SGCD: variants seen among roughly 807,000 people sequenced by gnomAD.
SGCD encodes sarcoglycan delta.
Under a neutral mutation model 36.6 loss-of-function variants are expected in SGCD, and 18 were observed. The observed-to-expected ratio is 0.49, with a 90% confidence interval of 0.34 to 0.73. The LOEUF (loss-of-function observed/expected upper bound fraction) is 0.73, where lower values mean the gene tolerates loss of function less well. Among genes scored for constraint, SGCD ranks in the 30% least tolerant of loss-of-function variants. SGCD has a pLI of 0.01. For missense variants in SGCD, 387 were observed against 346.7 expected (o/e 1.12, Z -0.92); for synonymous variants, 133 against 130.6 (o/e 1.02, Z -0.12).
intron 3 of SGCD, among the ~76,000 whole-genome samples, chr5:156,281,158 T>C (rs183090393): frequency 6.6e-6 from 1 of 152,292 alleles, no homozygotes; most frequent in Admixed American, 6.5e-5. Flanking sequence ...GAAAGTGTTA[T>C]GTTTAAAAAT....
intron 6 of SGCD, among the ~76,000 whole-genome samples, chr5:156,643,324 G>T (rs1196031178): frequency 6.6e-6 from 1 of 152,116 alleles, no homozygotes; most frequent in East Asian, 1.9e-4. Context: ...GAGCCACCTC[G>T]CCCAGCCAAT....
At chr5:155,874,369 T>G (rs1341133204) in intron 1 of SGCD, among the ~76,000 whole-genome samples, 3 of 152,246 alleles carry the variant, frequency 2.0e-5, no homozygotes, top group Non-Finnish European at 4.4e-5. Flanking sequence ...ATCTTAGTAA[T>G]TTTGACTTTG....
At chr5:156,075,589 C>T (rs1400275319) in intron 1 of SGCD, among the ~76,000 whole-genome samples, 1 of 152,070 alleles carries the variant, frequency 6.6e-6, no homozygotes, top group Non-Finnish European at 1.5e-5. Flanking sequence ...TGAACAAATT[C>T]TATTGATATT....
intron 3 of SGCD, among the ~76,000 whole-genome samples, chr5:156,475,524 C>A (rs1255560358): frequency 6.6e-6 from 1 of 152,224 alleles, no homozygotes; most frequent in Admixed American, 6.5e-5. Context: ...CTGGTTCTAT[C>A]ATTTTGTTCC....
At chr5:155,958,346 C>T (rs1281777176) in intron 1 of SGCD, among the ~76,000 whole-genome samples, 1 of 152,084 alleles carries the variant, frequency 6.6e-6, no homozygotes, top group African/African-American at 2.4e-5. Flanking sequence ...CTTATCTCCA[C>T]TGGACAGATG....
At chr5:156,534,330 G>A (rs577024710) in intron 4 of SGCD, among the ~76,000 whole-genome samples, 1 of 152,218 alleles carries the variant, frequency 6.6e-6, no homozygotes, top group East Asian at 1.9e-4. Flanking sequence ...AGGCCTCTAC[G>A]GCTTGCCCTA....
At chr5:156,752,033 G>A (rs915655235) in intron 7 of SGCD, among the ~76,000 whole-genome samples, 9 of 152,190 alleles carry the variant, frequency 5.9e-5, no homozygotes, top group African/African-American at 9.7e-5. Context: ...CCCAGTGTTC[G>A]ACAGTAGAAT....
chr5:156,292,611 T>C (rs1418475044), intron 3 of SGCD, among the ~76,000 whole-genome samples: 1 of 152,130 alleles, frequency 6.6e-6, no homozygotes, highest in Non-Finnish European at 1.5e-5. Flanking sequence ...TTTTTGAGTA[T>C]ATACCCAGAA....
the SGCD span, among the ~76,000 whole-genome samples, chr5:155,805,595 T>A: frequency 1.3e-5 from 2 of 152,306 alleles, no homozygotes; most frequent in Middle Eastern, 3.4e-3. Flanking sequence ...ACTGCCTCCA[T>A]TTGTGAAAAC....
At chr5:156,682,487 C>A (rs577008539) in intron 7 of SGCD, among the ~76,000 whole-genome samples, 3 of 152,320 alleles carry the variant, frequency 2.0e-5, no homozygotes, top group Admixed American at 2.0e-4. Context: ...TGTTGACTTT[C>A]ACTTGACCCC....
At chr5:156,516,722 C>T (rs527865536) in intron 4 of SGCD, among the ~76,000 whole-genome samples, 43 of 152,210 alleles carry the variant, frequency 2.8e-4, no homozygotes, top group South Asian at 8.3e-4. Flanking sequence ...ATGGGCTGGA[C>T]GAGGTGGCTC....
At chr5:156,516,600 G>A (rs1757184230) in intron 4 of SGCD, among the ~76,000 whole-genome samples, 1 of 152,184 alleles carries the variant, frequency 6.6e-6, no homozygotes, top group South Asian at 2.1e-4. Flanking sequence ...AGGCCAGAGT[G>A]CCTCATCTCC....
At chr5:156,045,124 A>G (rs1422930024) in intron 1 of SGCD, among the ~76,000 whole-genome samples, 1 of 152,142 alleles carries the variant, frequency 6.6e-6, no homozygotes. Context: ...CTATCCTTTT[A>G]TCAGGAGCCT....
intron 3 of SGCD, among the ~76,000 whole-genome samples, chr5:156,459,175 A>G (rs1754378447): frequency 6.6e-6 from 1 of 151,788 alleles, no homozygotes; most frequent in African/African-American, 2.4e-5. Context: ...TTTGTTCCCA[A>G]CCTCCACTTT....
At position 156,201,206 on chromosome 5, in the gene SGCD, A is replaced by G. The variant is rs80249471; in HGVS notation, c.-44+77187A>G. ...CATTTAACGCTACTGAACTGTGTAC[A>G]TAAAACAGTAAATTTAATGCTATGT... On this transcript the variant is annotated intron_variant, in intron 3 of 9. Transcript: ENST00000517913. 5.3e-5 allele frequency among the ~76,000 whole-genome samples: 8 copies of G among 152,320 alleles called. No individual in the cohort carries two copies. The East Asian group carries it at 1.3e-3, about 26-fold the overall frequency.
At chr5:156,169,399 A>T (rs1444267076) in intron 3 of SGCD, among the ~76,000 whole-genome samples, 1 of 152,144 alleles carries the variant, frequency 6.6e-6, no homozygotes, top group Admixed American at 6.5e-5. Flanking sequence ...AACATTTTTT[A>T]TTGTTTGACC....
chr5:155,959,152 T>G (rs1757734103), intron 1 of SGCD, among the ~76,000 whole-genome samples: 2 of 152,174 alleles, frequency 1.3e-5, no homozygotes, highest in African/African-American at 4.8e-5. Flanking sequence ...AGGTCATTTA[T>G]AGGTACCTGG....
the SGCD span, chr5:155,845,391 T>C: frequency 1.3e-5 from 2 of 151,944 alleles, no homozygotes; most frequent in East Asian, 1.9e-4. Context: ...GGCAGAAAAA[T>C]GAAGGAGCCA....
intron 6 of SGCD, among the ~76,000 whole-genome samples, chr5:156,616,595 CA>C (rs1161313904): frequency 6.6e-6 from 1 of 152,278 alleles, no homozygotes; most frequent in East Asian, 1.9e-4. Flanking sequence ...GCTCCTAACA[CA>C]ATGGTACCAA....
Sources: allele counts gnomAD v4.1 joint callset (sites outside exome capture counted in the v4.1 genomes callset), GRCh38; gene constraint gnomAD v4.1.1; transcripts MANE v1.5; gene names NCBI Gene and HGNC (gene_info 2026-07-23, HGNC 2026-07-21).